RBFOX1: variants seen among roughly 807,000 people sequenced by gnomAD.
RBFOX1 encodes the protein RNA binding protein fox-1 homolog 1.
Under a neutral mutation model 57.7 loss-of-function variants are expected in RBFOX1, and 8 were observed. That is an observed-to-expected ratio of 0.14 (90% confidence interval 0.08 to 0.25). The LOEUF is 0.25. Ranked by LOEUF, RBFOX1 falls within the 10% of genes least tolerant of loss-of-function variation. The probability of loss-of-function intolerance (pLI) is 1.00; values close to 1 mark genes in which losing one functional copy is unlikely to be tolerated. For synonymous variants in RBFOX1, 326 were observed against 222.4 expected (o/e 1.47, Z -4.15); for missense variants, 611 against 548.5 (o/e 1.11, Z -1.14).
At chr16:7,490,076 C>A (rs2066524273) in intron 4 of RBFOX1, among the ~76,000 whole-genome samples, 1 of 152,136 alleles carries the variant, frequency 6.6e-6, no homozygotes, top group Admixed American at 6.6e-5. Context: ...ATCTGTGTCC[C>A]AGCTACATTT....
At chr16:5,544,492 G>A (rs1036554091) in intron 2 of RBFOX1, among the ~76,000 whole-genome samples, 13 of 151,742 alleles carry the variant, frequency 8.6e-5, no homozygotes, top group African/African-American at 1.9e-4. Flanking sequence ...AGACTAGAAT[G>A]AAAAGAACAA....
intron 7 of RBFOX1, among the ~76,000 whole-genome samples, chr16:7,592,793 G>A (rs1037354918): frequency 3.3e-5 from 5 of 152,114 alleles, no homozygotes; most frequent in Middle Eastern, 6.3e-3. Flanking sequence ...ATAGATATCA[G>A]CAATATAAAA....
At chr16:6,691,604 G>C (rs998921214) in intron 3 of RBFOX1, among the ~76,000 whole-genome samples, 9 of 152,154 alleles carry the variant, frequency 5.9e-5, no homozygotes, top group Non-Finnish European at 1.0e-4. Flanking sequence ...CAGGAAGAAA[G>C]AATGTGTGCC....
At chr16:6,175,767 C>A (rs1431025671) in intron 1 of RBFOX1, among the ~76,000 whole-genome samples, 1 of 152,150 alleles carries the variant, frequency 6.6e-6, no homozygotes, top group South Asian at 2.1e-4. Flanking sequence ...GTGGACTGCA[C>A]TTTGAGTAGC....
At position 5,802,622 on chromosome 16, in the gene RBFOX1, A is replaced by G. The variant is rs1459290514; in HGVS notation, c.319-64681A>G. On this transcript the variant is annotated intron_variant, in intron 3 of 19. Transcript: ENST00000641259. ...GGAGCATGTCTGGATCCATGTGGCA[A>G]GCAGATGCTAACTTAGAGCTAGACC... Among the ~76,000 whole-genome samples the G allele has an allele frequency of 2.6e-5, 4 of 152,286 alleles. No individual in the cohort carries two copies. In the East Asian group the frequency reaches 7.7e-4, roughly 29 times the overall value.
At chr16:5,726,821 C>T (rs1202013438) in intron 3 of RBFOX1, among the ~76,000 whole-genome samples, 7 of 152,130 alleles carry the variant, frequency 4.6e-5, no homozygotes, top group Non-Finnish European at 1.0e-4. Flanking sequence ...CACATTGAAT[C>T]TTCTCCTGTC....
chr16:6,493,070 T>C (rs10431951), intron 2 of RBFOX1, among the ~76,000 whole-genome samples: 49,832 of 152,062 alleles, frequency 0.33, 8,960 homozygotes, highest in Non-Finnish European at 0.41. Context: ...TTAAAAAATA[T>C]TTAAGAGAAA....
rs571800827 is a variant in RBFOX1 at position 5,599,321 on chromosome 16, G to A, written c.*72G>A. ...GTTGTGGGAGCACGTGAAAGAAGTC[G>A]AATGTCATTGGGTTGTCTTCCTAGT... On this transcript the variant is annotated 3_prime_UTR_variant, in exon 3 of 3. Coordinates refer to the RBFOX1 transcript ENST00000585867. 3.1e-4 allele frequency: 192 copies of A among 619,490 alleles called. No homozygotes were observed. In the East Asian group the frequency reaches 4.5e-3, roughly 15 times the overall value. 38.4% of individuals were successfully genotyped at this position (619,490 alleles called of 1,614,324 possible). A position where few individuals can be genotyped will look rare whatever the true frequency, so the allele number is the denominator to read the frequency against.
At chr16:6,397,502 G>C (rs2092890176) in intron 2 of RBFOX1, among the ~76,000 whole-genome samples, 1 of 152,112 alleles carries the variant, frequency 6.6e-6, no homozygotes, top group African/African-American at 2.4e-5. Context: ...GAAAATAGAT[G>C]TTTTATTACC....
At position 5,663,668 on chromosome 16, in the gene RBFOX1, G is replaced by A. The variant is rs75586457; in HGVS notation, c.318+64707G>A. On this transcript the variant is annotated intron_variant, in intron 3 of 19. Coordinates refer to the RBFOX1 transcript ENST00000641259. Reference sequence around the variant, plus strand: ...GCTGTAAAGCCCCTACTTGGTGTAAGGCACCATGCTGAGGACTGCAGGAAT... The same window carrying A: ...GCTGTAAAGCCCCTACTTGGTGTAAAGCACCATGCTGAGGACTGCAGGAAT... Among the ~76,000 whole-genome samples the A allele has an allele frequency of 6.7e-3, 1,020 of 152,264 alleles. 14 individuals are homozygous for A. Among genetic ancestry groups the A allele is most frequent in the African/African-American group, 0.023 (959 of 41,560 alleles).
chr16:7,532,183 G>A lies in RBFOX1; in HGVS notation c.270+13794G>A, dbSNP rs1280249791. Among the ~76,000 whole-genome samples the A allele has an allele frequency of 2.0e-5, 3 of 148,280 alleles. No individual in the cohort carries two copies. In the East Asian group the frequency reaches 5.9e-4, roughly 29 times the overall value. ...GCAACGGTAGGTGTAGCATTCCAAT[G>A]ACAGGAGGTGGGTTTCGTCCCCCCT... On this transcript the variant is annotated intron_variant, in intron 5 of 15. Coordinates refer to ENST00000550418, the MANE Select transcript of RBFOX1 (RefSeq NM_018723.4).
intron 3 of RBFOX1, among the ~76,000 whole-genome samples, chr16:5,812,048 C>G (rs1004527971): frequency 6.6e-6 from 1 of 152,172 alleles, no homozygotes; most frequent in African/African-American, 2.4e-5. Context: ...AGAACGTAGT[C>G]TTTTGCACCT....
intron 5 of RBFOX1, among the ~76,000 whole-genome samples, chr16:7,549,014 CA>C (rs1453658544): frequency 6.6e-6 from 1 of 152,108 alleles, no homozygotes; most frequent in Non-Finnish European, 1.5e-5. Flanking sequence ...ATGGCTAGCC[CA>C]GATGGTGATA....
chr16:7,213,754 A>G (rs945406863), intron 4 of RBFOX1, among the ~76,000 whole-genome samples: 4 of 152,218 alleles, frequency 2.6e-5, no homozygotes, highest in Non-Finnish European at 2.9e-5. Context: ...TGTCATCATG[A>G]ATAACGGATA....
intron 1 of RBFOX1, among the ~76,000 whole-genome samples, chr16:5,339,470 G>GTTTTGTTTTT (rs2064982683): frequency 2.4e-5 from 1 of 40,854 alleles, no homozygotes; most frequent in East Asian, 8.5e-4. Flanking sequence ...CTTTTTCCGT[G>GTTTTGTTTTT]TTTTTTTTTT....
At chr16:7,658,120 A>T (rs1568322831) in intron 12 of RBFOX1, among the ~76,000 whole-genome samples, 2 of 152,196 alleles carry the variant, frequency 1.3e-5, no homozygotes, top group Non-Finnish European at 2.9e-5. Flanking sequence ...TATGACATGC[A>T]TTCAGTGAAC....
intron 2 of RBFOX1, among the ~76,000 whole-genome samples, chr16:6,495,629 C>T (rs2095750002): frequency 6.6e-6 from 1 of 152,194 alleles, no homozygotes; most frequent in African/African-American, 2.4e-5. Flanking sequence ...TGCCTTAAAG[C>T]TTGCTTTATT....
At chr16:6,924,171 A>ATAG (rs1491586557) in intron 3 of RBFOX1, among the ~76,000 whole-genome samples, 2 of 150,700 alleles carry the variant, frequency 1.3e-5, no homozygotes, top group Non-Finnish European at 1.5e-5. Flanking sequence ...TGTCTCAAAA[A>ATAG]TAATAATAAT....
chr16:6,484,261 G>T (rs1360515511), intron 2 of RBFOX1, among the ~76,000 whole-genome samples: 1 of 152,190 alleles, frequency 6.6e-6, no homozygotes, highest in South Asian at 2.1e-4. Flanking sequence ...GTGCATTTGC[G>T]AAGTTGGCAT....
Sources: allele counts gnomAD v4.1 joint callset (sites outside exome capture counted in the v4.1 genomes callset), GRCh38; gene constraint gnomAD v4.1.1; transcripts MANE v1.5; gene names NCBI Gene and HGNC (gene_info 2026-07-23, HGNC 2026-07-21).